The following SH3TC2 variants were observed in gnomAD, a reference collection of about 807,000 sequenced individuals.
SH3TC2 encodes the protein SH3 domain and tetratricopeptide repeats 2.
A neutral mutation model predicts 124.5 loss-of-function variants in SH3TC2; 87 were observed. The ratio of observed to expected loss-of-function variants is 0.70; its 90% confidence interval spans 0.59 to 0.84. The LOEUF (loss-of-function observed/expected upper bound fraction) is 0.84. SH3TC2 is among the 40% of genes least tolerant of loss of function. The probability of loss-of-function intolerance (pLI) is 0.00; values close to 1 mark genes in which losing one functional copy is unlikely to be tolerated. For missense variants in SH3TC2, 1,536 were observed against 1,566.4 expected (o/e 0.98, Z 0.33); for synonymous variants, 634 against 628.5 (o/e 1.01, Z -0.13).
intron 12 of SH3TC2, among the ~76,000 whole-genome samples, chr5:149,022,105 A>G (rs1753984228): frequency 6.6e-6 from 1 of 152,054 alleles, no homozygotes; most frequent in African/African-American, 2.4e-5. Flanking sequence ...AAGTGAAATG[A>G]CAACCCATGG....
intron 12 of SH3TC2, among the ~76,000 whole-genome samples, chr5:149,015,298 G>T (rs933370221): frequency 1.3e-5 from 2 of 152,122 alleles, no homozygotes; most frequent in Non-Finnish European, 2.9e-5. Flanking sequence ...CTAAAACTGG[G>T]CAGTAGTCCA....
chr5:149,041,538 A>G lies in SH3TC2; in HGVS notation c.609T>C (p.Asn203=). The G allele has an allele frequency of 6.2e-7, 1 of 1,614,208 alleles. No homozygotes were observed. The highest frequency in any genetic ancestry group is 1.1e-5 in the South Asian group (1 of 91,072). Residue 203 remains asparagine (N), a synonymous_variant, in exon 6 of 17, where the codon AAT becomes AAC. Coordinates refer to ENST00000515425, the MANE Select transcript of SH3TC2 (RefSeq NM_024577.4). ...KEGECLTLCK[N]ELISVKMAEA... is the part of the protein sequence containing the mutation. ...CTGCCATCTTCACTGAGATTAACTC[A>G]TTCTTGCAAAGTGTCAAGCATTCCC...
At position 149,006,912 on chromosome 5, in the gene SH3TC2, C is replaced by A; in HGVS notation, c.3644G>T (p.Arg1215Leu). 2 of 1,614,006 alleles carry A rather than the reference C, an allele frequency of 1.2e-6. No individual in the cohort carries two copies. Among genetic ancestry groups the A allele is most frequent in the South Asian group, 2.2e-5 (2 of 91,078 alleles). Residue 1215 changes from arginine (R) to leucine (L), a missense_variant, in exon 16 of 17, where the codon CGC (arginine) becomes CTC (leucine). Coordinates refer to ENST00000515425, the MANE Select transcript of SH3TC2 (RefSeq NM_024577.4). ...EALYYAKVYY[R>L]LGRLTFCQLK... ...CTGGCAGAAGGTGAGTCTGCCCAGG[C>A]GATAATACACCTTGGCATAGTACAG...
intron 13 of SH3TC2, among the ~76,000 whole-genome samples, chr5:149,011,466 AG>A (rs1753781962): frequency 6.6e-6 from 1 of 152,252 alleles, no homozygotes; most frequent in African/African-American, 2.4e-5. Flanking sequence ...CAGATGGCGT[AG>A]AGGCTGAGAG....
rs1754114741 is a variant in SH3TC2, at chr5:149,028,281, T to A, written c.1451A>T (p.Lys484Met). 2 of 1,613,954 alleles carry A rather than the reference T, an allele frequency of 1.2e-6. No individual in the cohort carries two copies. The highest frequency in any genetic ancestry group is 1.7e-6 in the Non-Finnish European group (2 of 1,180,032). ...AGAGAAGGAGAAGTCATAGAGACTCTTAAAGTGGTCAGCATAACCCTCATG... is the reference window on the plus strand; with the variant it reads ...AGAGAAGGAGAAGTCATAGAGACTCATAAAGTGGTCAGCATAACCCTCATG... Reference protein sequence around the residue: ...LDHEGYADHFKSLYDFSFSFL... With the variant: ...LDHEGYADHFMSLYDFSFSFL... Residue 484 changes from lysine to methionine, a missense_variant, in exon 11 of 17, where the codon AAG (lysine) becomes ATG (methionine). Physicochemically the swap from Lys to Met is moderately conservative, Grantham distance 95. This residue lies in a region of SH3TC2 where 1,102 missense variants were observed against 1,098.6 expected (regional missense o/e 1.00). Transcript: ENST00000515425.
At chr5:149,010,734 T>C (rs1753771198) in intron 13 of SH3TC2, among the ~76,000 whole-genome samples, 1 of 152,156 alleles carries the variant, frequency 6.6e-6, no homozygotes, top group South Asian at 2.1e-4. Context: ...GATAGTATTG[T>C]GTAGAATAAG....
intron 3 of SH3TC2, chr5:149,047,170 T>G (rs1580913864): frequency 6.5e-6 from 1 of 152,770 alleles, no homozygotes; most frequent in Non-Finnish European, 1.5e-5. Context: ...TTCCTTGGTT[T>G]TAACAAATGA....
Position 148,991,445 on chromosome 5 carries a change from G to A in SH3TC2, c.*13266C>T, listed in dbSNP as rs1753418297. On this transcript the variant is annotated 3_prime_UTR_variant, in exon 17 of 17. Coordinates refer to ENST00000515425, the MANE Select transcript of SH3TC2 (RefSeq NM_024577.4). ...AACAAAGCTAACTTTAGCCATATGGGCTCATCCTGTATTTCCCAGGACCCA... is the reference window on the plus strand; with the variant it reads ...AACAAAGCTAACTTTAGCCATATGGACTCATCCTGTATTTCCCAGGACCCA... Among the ~76,000 whole-genome samples, 1 of 152,156 alleles carries A rather than the reference G, an allele frequency of 6.6e-6. No individual in the cohort carries two copies. The highest frequency in any genetic ancestry group is 1.5e-5 in the Non-Finnish European group (1 of 68,028).
At position 148,990,987 on chromosome 5, in the gene SH3TC2, G is replaced by A. The variant is rs1473594694; in HGVS notation, c.*13724C>T. 1.3e-5 allele frequency among the ~76,000 whole-genome samples: 2 copies of A among 152,104 alleles called. No homozygotes were observed. Among genetic ancestry groups the A allele is most frequent in the South Asian group, 2.1e-4 (1 of 4,822 alleles). ...AAGCTATCTGACTCCAAGCCCTGAG[G>A]TCCCAGCCAAGTTCACAAACTTCAT... On this transcript the variant is annotated 3_prime_UTR_variant, in exon 17 of 17. Transcript: ENST00000515425.
chr5:149,029,278 G>T (rs1754140449), intron 9 of SH3TC2, among the ~76,000 whole-genome samples: 1 of 152,194 alleles, frequency 6.6e-6, no homozygotes, highest in Non-Finnish European at 1.5e-5. Context: ...TGTAAAAGTG[G>T]CAGGGGCGAG....
intron 3 of SH3TC2, chr5:149,046,073 C>A (rs1754459666): frequency 7.0e-6 from 2 of 286,060 alleles, no homozygotes; most frequent in South Asian, 2.8e-5. Flanking sequence ...AACATCCCTC[C>A]ACCAGGCCAG....
chr5:149,026,818 C>T, intron 11 of SH3TC2, 42 bp downstream of exon 11: 2 of 1,614,194 alleles, frequency 1.2e-6, no homozygotes, highest in African/African-American at 1.3e-5. Context: ...CTTGATCCAA[C>T]ACTTTTCTCT....
intron 9 of SH3TC2, among the ~76,000 whole-genome samples, chr5:149,031,217 G>C (rs549959521): frequency 6.6e-6 from 1 of 152,104 alleles, no homozygotes; most frequent in Admixed American, 6.6e-5. Flanking sequence ...CATCTCACTG[G>C]GGGCTTACTT....
intron 1 of SH3TC2, among the ~76,000 whole-genome samples, 185 bp from the exon 2 acceptor site, chr5:149,052,425 C>T (rs1008482639): frequency 6.6e-6 from 1 of 152,206 alleles, no homozygotes; most frequent in African/African-American, 2.4e-5. Context: ...GTCATACATG[C>T]CATCTCAATC....
intron 1 of SH3TC2, among the ~76,000 whole-genome samples, chr5:149,060,306 CATAG>C (rs1485465586): frequency 5.9e-5 from 9 of 152,166 alleles, no homozygotes; most frequent in African/African-American, 2.2e-4. Context: ...AGAAACAACT[CATAG>C]ATAGGGTGGG....
At chr5:149,042,904 G>C in intron 4 of SH3TC2, 67 bp from the exon 5 acceptor site, 1 of 1,595,176 alleles carries the variant, frequency 6.3e-7, no homozygotes, top group Non-Finnish European at 8.6e-7. Context: ...ACAGAAGAGA[G>C]TGAGAAAATT....
At position 148,994,765 on chromosome 5, in the gene SH3TC2, T is replaced by C. The variant is rs186454491; in HGVS notation, c.*9946A>G. ...ATAGATGGATGAATAGATGGATGAATAGATGGATAACCGTCTGCATCCTCT... is the reference window on the plus strand; with the variant it reads ...ATAGATGGATGAATAGATGGATGAACAGATGGATAACCGTCTGCATCCTCT... On this transcript the variant is annotated 3_prime_UTR_variant, in exon 17 of 17. Coordinates refer to ENST00000515425, the MANE Select transcript of SH3TC2 (RefSeq NM_024577.4). Among the ~76,000 whole-genome samples, 28 of 152,118 alleles carry C rather than the reference T, an allele frequency of 1.8e-4. No individual in the cohort carries two copies. The highest frequency in any genetic ancestry group is 1.5e-5 in the Non-Finnish European group (1 of 67,974).
At chr5:149,026,191 A>T (rs985519112) in intron 12 of SH3TC2, 25 of 243,558 alleles carry the variant, frequency 1.0e-4, no homozygotes, top group African/African-American at 4.0e-4. Flanking sequence ...ATGCAGCCTC[A>T]GTCATGATCC....
chr5:148,984,750 A>C lies in SH3TC2; in HGVS notation c.*19961T>G, dbSNP rs949504557. ...CAAAGAGCTGTGCTTGGTGCTGTAA[A>C]CAAATTTGTTCCCAGTATCTGACCT... On this transcript the variant is annotated 3_prime_UTR_variant, in exon 17 of 17. Coordinates refer to ENST00000515425, the MANE Select transcript of SH3TC2 (RefSeq NM_024577.4). Among the ~76,000 whole-genome samples the C allele has an allele frequency of 1.3e-5, 2 of 152,146 alleles. No individual in the cohort carries two copies. Among genetic ancestry groups the C allele is most frequent in the Non-Finnish European group, 2.9e-5 (2 of 68,024 alleles).
Sources: allele counts gnomAD v4.1 joint callset (sites outside exome capture counted in the v4.1 genomes callset), GRCh38; gene constraint gnomAD v4.1.1; regional missense constraint gnomAD v4.1.1; transcripts MANE v1.5; gene names NCBI Gene and HGNC (gene_info 2026-07-23, HGNC 2026-07-21).